Variants in MTNAP1 observed in about 807,000 individuals in gnomAD.
MTNAP1 encodes mitochondrial nucleoid associated protein 1, also known as mitochondrial nucleoid-associated protein 1.
At chr17:73,247,175 C>A in the MTNAP1 span, 1 of 1,404,394 alleles carries the variant, frequency 7.1e-7, no homozygotes, top group South Asian at 1.2e-5. Flanking sequence ...ACAGCAAAGT[C>A]GAGTAGTTGC....
chr17:73,236,669 G>A, the MTNAP1 span: 10 of 1,613,992 alleles, frequency 6.2e-6, no homozygotes, highest in African/African-American at 2.7e-5. Flanking sequence ...AATCATCATT[G>A]TGTCCCTGAT....
chr17:73,243,036 A>C, the MTNAP1 span: 1 of 1,526,012 alleles, frequency 6.6e-7, no homozygotes, highest in Admixed American at 1.7e-5. Flanking sequence ...CCTAAATAAC[A>C]GGTCCCATTC....
chr17:73,234,508 T>G, the MTNAP1 span, among the ~76,000 whole-genome samples: 1 of 151,866 alleles, frequency 6.6e-6, no homozygotes, highest in African/African-American at 2.4e-5. Flanking sequence ...CTGGCCAACA[T>G]GGTGAAACCC....
At chr17:73,238,172 T>C in the MTNAP1 span, among the ~76,000 whole-genome samples, 2 of 152,206 alleles carry the variant, frequency 1.3e-5, no homozygotes, top group Admixed American at 6.5e-5. Flanking sequence ...ATATCTTTGC[T>C]TTTCTCTGCT....
At chr17:73,248,532 T>C in the MTNAP1 span, 11 of 1,551,680 alleles carry the variant, frequency 7.1e-6, no homozygotes, top group African/African-American at 1.4e-5. Flanking sequence ...AATTCCCGAA[T>C]CTTCCTGCAA....
At chr17:73,248,440 C>T in the MTNAP1 span, 8 of 1,484,814 alleles carry the variant, frequency 5.4e-6, no homozygotes, top group African/African-American at 2.8e-5. Context: ...GGGTAAAAGT[C>T]GTGTTCTGCC....
the MTNAP1 span, chr17:73,236,190 TGATG>T: frequency 6.2e-7 from 1 of 1,614,052 alleles, no homozygotes; most frequent in Non-Finnish European, 8.5e-7. Context: ...AGAATGTCAG[TGATG>T]GGGTTAAAAG....
the MTNAP1 span, chr17:73,236,797 A>C: frequency 6.2e-7 from 1 of 1,613,958 alleles, no homozygotes; most frequent in Middle Eastern, 1.6e-4. Flanking sequence ...CCAGCGTCAC[A>C]CTCCTCAGAG....
the MTNAP1 span, chr17:73,243,088 T>TGTTTTTTG: frequency 1.0e-6 from 1 of 997,640 alleles, no homozygotes. Context: ...TTTTTTTTTT[T>TGTTTTTTG]TTTTTTTTTT....
chr17:73,243,582 G>A, the MTNAP1 span, among the ~76,000 whole-genome samples: 1,437 of 148,636 alleles, frequency 9.7e-3, 26 homozygotes, highest in African/African-American at 0.033. Flanking sequence ...AGGCTAGAGT[G>A]CAGTGGCATG....
At chr17:73,236,353 C>A in the MTNAP1 span, 1 of 1,613,758 alleles carries the variant, frequency 6.2e-7, no homozygotes, top group African/African-American at 1.3e-5. Flanking sequence ...AGGTAAAATC[C>A]AAGTCATGGA....
At chr17:73,235,920 C>G in the MTNAP1 span, 10 of 1,614,158 alleles carry the variant, frequency 6.2e-6, no homozygotes, top group Middle Eastern at 3.3e-4. Flanking sequence ...CAGAGAAAAC[C>G]TCTCCTAAAA....
chr17:73,240,877 T>G, the MTNAP1 span, among the ~76,000 whole-genome samples: 1 of 36,394 alleles, frequency 2.7e-5, no homozygotes, highest in Admixed American at 2.5e-4. Flanking sequence ...ATGAATGGGT[T>G]TTTTTTTTAA....
chr17:73,233,134 C>A, the MTNAP1 span: 2 of 152,332 alleles, frequency 1.3e-5, no homozygotes, highest in Admixed American at 6.5e-5. Context: ...CTTTCCGGAA[C>A]CTGTGTTTCT....
chr17:73,237,554 T>C, the MTNAP1 span, among the ~76,000 whole-genome samples: 1 of 152,198 alleles, frequency 6.6e-6, no homozygotes, highest in African/African-American at 2.4e-5. Context: ...AGGCTGGCGA[T>C]ACTGAAAGCA....
the MTNAP1 span, chr17:73,236,828 C>T: frequency 2.5e-6 from 4 of 1,614,090 alleles, no homozygotes; most frequent in Middle Eastern, 5.0e-4. Context: ...AATCATGCTG[C>T]AGCTGCTGGC....
At chr17:73,247,159 A>G in the MTNAP1 span, 1 of 1,271,492 alleles carries the variant, frequency 7.9e-7, no homozygotes, top group Non-Finnish European at 1.1e-6. Flanking sequence ...GCTGTTTCAC[A>G]CAACAACAGC....
At chr17:73,248,419 G>T in the MTNAP1 span, 4 of 1,287,690 alleles carry the variant, frequency 3.1e-6, no homozygotes, top group Non-Finnish European at 4.4e-6. Context: ...AAATCATGCT[G>T]CAGAAGGAGG....
At chr17:73,248,267 G>C in the MTNAP1 span, 1 of 526,544 alleles carries the variant, frequency 1.9e-6, no homozygotes. Context: ...TAGTAGACAA[G>C]TAAGACTGCT....
Sources: gnomAD v4.1 joint callset for allele counts (sites outside exome capture counted in the v4.1 genomes callset) on GRCh38, gnomAD v4.1.1 for gene constraint, MANE v1.5 for transcripts, NCBI Gene and HGNC (gene_info 2026-07-23, HGNC 2026-07-21) for gene names.